The following FBN3 variants were observed in gnomAD, a reference collection of about 807,000 sequenced individuals.
FBN3 encodes fibrillin-3.
FBN3 carries 234 observed loss-of-function variants against 330.1 expected under a neutral mutation model. The observed-to-expected ratio is 0.71, with a 90% CI of 0.64 to 0.79. The LOEUF (loss-of-function observed/expected upper bound fraction) is 0.79. Among genes scored for constraint, FBN3 ranks in the 30% least tolerant of loss-of-function variants. FBN3 has a pLI of 0.00. For synonymous variants in FBN3, 1,458 were observed against 1,517.3 expected (o/e 0.96, Z 0.91); for missense variants, 3,606 against 3,886.9 (o/e 0.93, Z 1.92).
rs888957802 is a variant in FBN3, at chr19:8,106,304, T to C, written c.4688-71A>G. 25 of 1,564,246 alleles carry C rather than the reference T, an allele frequency of 1.6e-5. No homozygotes were observed. In the South Asian group the frequency reaches 2.1e-4, roughly 13 times the overall value. The stretch of plus-strand genomic sequence containing the variant: ...GAGGACTTAAGGGGCACCCACACCA[T>C]GCTCTGGGTTCTCCAGGGCCCTCTC... On this transcript the variant is annotated intron_variant, in intron 37 of 63. Coordinates refer to ENST00000600128, the MANE Select transcript of FBN3 (RefSeq NM_032447.5).
chr19:8,084,348 C>T (rs940296726), intron 56 of FBN3, among the ~76,000 whole-genome samples: 5 of 152,104 alleles, frequency 3.3e-5, no homozygotes, highest in African/African-American at 4.8e-5. Flanking sequence ...CCAGCTCCCA[C>T]GCAGTCCGGA....
At position 8,109,320 on chromosome 19, in the gene FBN3, C is replaced by T. The variant is rs530967934; in HGVS notation, c.4525G>A (p.Glu1509Lys). Residue 1509 changes from glutamate to lysine, a missense_variant, in exon 36 of 64, where the codon GAG becomes AAG. By Grantham distance (56) the Glu-to-Lys change is moderately conservative. Coordinates refer to ENST00000600128, the MANE Select transcript of FBN3 (RefSeq NM_032447.5). The surrounding 1 kb of genome is among the most constrained non-coding windows in gnomAD (Gnocchi z 5.2). ...GCTCGGGTGACACCAACTCCGATCT[C>T]GGCACTGCAGGAAATGCCACTGTCC... ...RGDSGISCSA[E>K]IGVGVTRASC... The T allele has an allele frequency of 9.9e-6, 16 of 1,614,178 alleles. No homozygotes were observed. The Middle Eastern group carries it at 4.9e-4, about 50-fold the overall frequency.
chr19:8,137,664 T>A (rs2083320383), intron 10 of FBN3, among the ~76,000 whole-genome samples: 5 of 150,572 alleles, frequency 3.3e-5, no homozygotes. Flanking sequence ...GGTCTCACTC[T>A]GTCACCCAGG....
intron 59 of FBN3, among the ~76,000 whole-genome samples, chr19:8,080,468 G>C (rs2081750197): frequency 6.6e-6 from 1 of 152,204 alleles, no homozygotes; most frequent in Non-Finnish European, 1.5e-5. Flanking sequence ...TCAGGGGGAA[G>C]GCAAGATGCC....
At chr19:8,070,794 G>A (rs1017115636) in intron 63 of FBN3, among the ~76,000 whole-genome samples, 6 of 152,144 alleles carry the variant, frequency 3.9e-5, no homozygotes, top group Admixed American at 1.3e-4. Flanking sequence ...AGGCCGAGCC[G>A]GGTGGATCAC....
intron 37 of FBN3, 33 bp from the exon 38 acceptor site, chr19:8,106,266 C>G: frequency 6.2e-7 from 1 of 1,613,426 alleles, no homozygotes; most frequent in Non-Finnish European, 8.5e-7. Flanking sequence ...AGCTTGGGAG[C>G]TAAACCCATG....
chr19:8,113,695 C>A (rs1225074703), intron 30 of FBN3, among the ~76,000 whole-genome samples: 1 of 151,878 alleles, frequency 6.6e-6, no homozygotes, highest in South Asian at 2.1e-4. Context: ...GGCGACACAG[C>A]GAGACCTCAT....
In FBN3 at chr19:8,070,500, TA is replaced by T. The variant is rs2081488116; in HGVS notation, c.8088+1547del. Among the ~76,000 whole-genome samples, 3 of 152,186 alleles carry T rather than the reference TA, an allele frequency of 2.0e-5. No homozygotes were observed. In the South Asian group the frequency reaches 6.2e-4, roughly 32 times the overall value. On this transcript the variant is annotated intron_variant, in intron 63 of 63. Coordinates refer to ENST00000600128, the MANE Select transcript of FBN3 (RefSeq NM_032447.5). ...GTCTGCAGTGGGGGTGAGTTTGGGGTAATGGTTTCCATGCTCAGTGATAATT... is the reference window on the plus strand; with the variant it reads ...GTCTGCAGTGGGGGTGAGTTTGGGGTATGGTTTCCATGCTCAGTGATAATT...
At position 8,087,190 on chromosome 19, in the gene FBN3, C is replaced by G. The variant is rs376215177; in HGVS notation, c.6641G>C (p.Gly2214Ala). 4.4e-6 allele frequency: 7 copies of G among 1,602,474 alleles called. No homozygotes were observed. In the South Asian group the frequency reaches 4.4e-5, roughly 10 times the overall value. ...GCCCCGGGCGTGGCAGTCCTGCTGA[C>G]CATCTGCACACTCGTCCACATCTTC... ...MCRDVDECAD[G>A]QQDCHARGME... The change falls in exon 54 of 64, where the codon GGT (glycine) becomes GCT (alanine). Residue 2214 changes from glycine (G) to alanine (A), a missense_variant. By Grantham distance (60) the Gly-to-Ala change is moderately conservative. Transcript: ENST00000600128.
In FBN3 at chr19:8,138,302, G is replaced by T. The variant is rs747262433; in HGVS notation, c.1040C>A (p.Ala347Asp). ...GCCGGGTAGCAGCGGCAGCCGCTGGGCGCACAGTTGCTGGAATTCATCTGC... is the reference window on the plus strand; with the variant it reads ...GCCGGGTAGCAGCGGCAGCCGCTGGTCGCACAGTTGCTGGAATTCATCTGC... ...RGSNEFQQLC[A>D]QRLPLLPGHP... Residue 347 changes from alanine (A) to aspartate (D), a missense_variant, in exon 10 of 64, where the codon GCC becomes GAC. Transcript: ENST00000600128. The T allele has an allele frequency of 6.2e-7, 1 of 1,613,130 alleles. No individual in the cohort carries two copies. The highest frequency in any genetic ancestry group is 8.5e-7 in the Non-Finnish European group (1 of 1,179,738).
rs371480188 is a variant in FBN3 at position 8,103,644 on chromosome 19, G to A, written c.4857C>T (p.Gly1619=). 19 of 1,613,584 alleles carry A rather than the reference G, an allele frequency of 1.2e-5. No individual in the cohort carries two copies. Among genetic ancestry groups the A allele is most frequent in the Non-Finnish European group, 1.6e-5 (19 of 1,179,650 alleles). ...AGTTCCCCAGGGTGTTGTAGCAGGT[G>A]CCAGGGCCACAGATGCCGGAGTGTG... ...CSTHSGICGP[G]TCYNTLGNYT... is the part of the protein sequence containing the mutation. Residue 1619 remains glycine, a synonymous_variant, in exon 39 of 64, where the codon GGC becomes GGT. Coordinates refer to ENST00000600128, the MANE Select transcript of FBN3 (RefSeq NM_032447.5).
In FBN3 at chr19:8,142,056, G is replaced by A; in HGVS notation, c.623C>T (p.Ala208Val). ...ACGGCCCACAGTGGCACAGCAAAGT[G>A]CCTTGGTGCACACGAGGCCCGTCAG... ...HQLTGLVCTK[A>V]LCCATVGRAW... The change falls in exon 7 of 64, where the codon GCA becomes GTA. Residue 208 changes from alanine to valine, a missense_variant. Transcript: ENST00000600128. 6.2e-7 allele frequency: 1 copy of A among 1,614,120 alleles called. No homozygotes were observed. The highest frequency in any genetic ancestry group is 8.5e-7 in the Non-Finnish European group (1 of 1,180,008).
In FBN3 at chr19:8,132,983, C is replaced by T. The variant is rs755669226; in HGVS notation, c.1714+1G>A. 8 of 1,554,360 alleles carry T rather than the reference C, an allele frequency of 5.1e-6. No individual in the cohort carries two copies. Among genetic ancestry groups the T allele is most frequent in the East Asian group, 2.4e-5 (1 of 42,270 alleles). On this transcript the variant is annotated splice_donor_variant, in intron 14 of 63. Coordinates refer to ENST00000600128, the MANE Select transcript of FBN3 (RefSeq NM_032447.5). LOFTEE classifies it high-confidence loss of function. ...GCTGGCCAGTCTGGCTCCAGGCTCACCCATGCAGTAGTGGCCGCCAGGCGC... is the reference window on the plus strand; with the variant it reads ...GCTGGCCAGTCTGGCTCCAGGCTCATCCATGCAGTAGTGGCCGCCAGGCGC...
chr19:8,088,311 G>C, intron 51 of FBN3, 132 bp from the exon 52 acceptor site: 1 of 1,126,492 alleles, frequency 8.9e-7, no homozygotes, highest in African/African-American at 1.6e-5. Context: ...CTGGCTATGG[G>C]GCAGGCAAGC....
Position 8,125,894 on chromosome 19 carries a change from A to G in FBN3, c.2729T>C (p.Val910Ala), listed in dbSNP as rs992025700. ...ATGCGGACCTCGCCTGGACTCACCC[A>G]CGCACAGCCGGCCTGAGGCGTCCAG... is the stretch of plus-strand genomic sequence containing the variant. ...LMLDASGRLCVDVRLEPCFLR... is the reference protein window; with the variant it reads ...LMLDASGRLCADVRLEPCFLR... Residue 910 changes from valine to alanine, a missense_variant and splice_region_variant, in exon 22 of 64, where the codon GTG becomes GCG. Val to Ala is a moderately conservative substitution (Grantham distance 64). Coordinates refer to ENST00000600128, the MANE Select transcript of FBN3 (RefSeq NM_032447.5). 6.2e-7 allele frequency: 1 copy of G among 1,611,638 alleles called. No individual in the cohort carries two copies. The highest frequency in any genetic ancestry group is 8.5e-7 in the Non-Finnish European group (1 of 1,179,394).
intron 5 of FBN3, among the ~76,000 whole-genome samples, 163 bp downstream of exon 5, chr19:8,145,680 C>CAAA (rs56250248): frequency 0.035 from 3,808 of 108,466 alleles, 127 homozygotes; most frequent in Middle Eastern, 0.051. Flanking sequence ...GACTCTGTCT[C>CAAA]AAAAAAAAAA....
At chr19:8,081,934 T>TCCTC (rs200603068) in intron 57 of FBN3, among the ~76,000 whole-genome samples, 44 of 150,418 alleles carry the variant, frequency 2.9e-4, no homozygotes, top group African/African-American at 8.1e-4. Flanking sequence ...AACGAAAGGA[T>TCCTC]CCTCCCTCCC....
chr19:8,116,570 G>T, intron 29 of FBN3, 104 bp downstream of exon 29: 1 of 1,218,580 alleles, frequency 8.2e-7, no homozygotes, highest in Non-Finnish European at 1.2e-6. Context: ...CAGGGGTGGG[G>T]CCTGGCATTT....
At chr19:8,086,043 A>AGGCAGTGGGAGGGACG (rs1371361435) in intron 55 of FBN3, among the ~76,000 whole-genome samples, 157 bp downstream of exon 55, 2 of 125,750 alleles carry the variant, frequency 1.6e-5, no homozygotes, top group African/African-American at 6.2e-5. Context: ...TGGGAGGGAC[A>AGGCAGTGGGAGGGACG]GGCAGTGGGG....
Sources: allele counts gnomAD v4.1 joint callset (sites outside exome capture counted in the v4.1 genomes callset), GRCh38; gene constraint gnomAD v4.1.1; non-coding constraint Gnocchi (gnomAD v3.1); transcripts MANE v1.5; gene names NCBI Gene and HGNC (gene_info 2026-07-23, HGNC 2026-07-21).